HIVEP1: variants seen among roughly 807,000 people sequenced by gnomAD.
HIVEP1 encodes the protein HIVEP zinc finger 1, also known as zinc finger protein 40.
Under a neutral mutation model 180.0 loss-of-function variants are expected in HIVEP1, and 36 were observed. The ratio of observed to expected loss-of-function variants is 0.20; its 90% confidence interval spans 0.15 to 0.26. HIVEP1 has a LOEUF of 0.26. HIVEP1 is among the 10% of genes least tolerant of loss of function. HIVEP1 has a pLI of 1.00. For synonymous variants in HIVEP1, 1,239 were observed against 1,239.0 expected (o/e 1.00, Z 0.00); for missense variants, 3,143 against 3,268.7 (o/e 0.96, Z 0.94).
intron 2 of HIVEP1, among the ~76,000 whole-genome samples, chr6:12,081,840 C>G (rs1010530057): frequency 6.6e-6 from 1 of 152,126 alleles, no homozygotes; most frequent in Non-Finnish European, 1.5e-5. Flanking sequence ...TCTCTCCCCT[C>G]TCTCCTCTGT....
intron 2 of HIVEP1, among the ~76,000 whole-genome samples, chr6:12,023,866 A>G (rs570257876): frequency 6.6e-6 from 1 of 152,336 alleles, no homozygotes; most frequent in South Asian, 2.1e-4. Context: ...AGAACGGAAA[A>G]ATACATAATT....
chr6:12,111,835 C>T (rs1561950883), intron 3 of HIVEP1, among the ~76,000 whole-genome samples: 1 of 152,218 alleles, frequency 6.6e-6, no homozygotes, highest in South Asian at 2.1e-4. Context: ...TTTGCAGCGT[C>T]CCCTTTGCCA....
intron 2 of HIVEP1, among the ~76,000 whole-genome samples, chr6:12,058,239 T>A (rs62395291): frequency 0.13 from 20,410 of 151,658 alleles, 1,405 homozygotes; most frequent in Middle Eastern, 0.18. Context: ...AAAAAAAAAG[T>A]GTAAAATTTA....
chr6:12,161,720 A>T lies in HIVEP1; in HGVS notation c.6769A>T (p.Met2257Leu). 6.2e-7 allele frequency: 1 copy of T among 1,614,148 alleles called. No individual in the cohort carries two copies. The highest frequency in any genetic ancestry group is 8.5e-7 in the Non-Finnish European group (1 of 1,180,016). Residue 2257 changes from methionine (M) to leucine (L), a missense_variant, in exon 8 of 9, where the codon ATG (methionine) becomes TTG (leucine). Physicochemically the swap from Met to Leu is conservative, Grantham distance 15. Coordinates refer to ENST00000379388, the MANE Select transcript of HIVEP1 (RefSeq NM_002114.4). ...DVLPRALLTR[M>L]TVLSTAQSDY... ...TCTGCCCAGGGCGCTGCTCACCAGA[A>T]TGACTGTCCTGAGCACAGCACAGTC...
chr6:12,155,356 T>C (rs1731406814), intron 7 of HIVEP1, among the ~76,000 whole-genome samples: 1 of 152,124 alleles, frequency 6.6e-6, no homozygotes, highest in African/African-American at 2.4e-5. Flanking sequence ...AACCATCTCA[T>C]CATCTCAGTA....
At position 12,120,276 on chromosome 6, in the gene HIVEP1, G is replaced by A. The variant is rs918796470; in HGVS notation, c.481G>A (p.Glu161Lys). 3 of 1,614,188 alleles carry A rather than the reference G, an allele frequency of 1.9e-6. No homozygotes were observed. The East Asian group carries it at 6.7e-5, about 36-fold the overall frequency. Residue 161 changes from glutamate (E) to lysine (K), a missense_variant, in exon 4 of 9, where the codon GAA becomes AAA. By Grantham distance (56) the Glu-to-Lys change is moderately conservative (BLOSUM62 1). Transcript: ENST00000379388. The part of the protein sequence containing the change: ...ADPAKFSDLD[E>K]QCDSSSLSSK... ...TCCTGCCAAATTCAGTGACCTCGAT[G>A]AACAATGTGACTCAAGTTCCTTGTC...
chr6:12,022,259 T>C (rs1041939939), intron 2 of HIVEP1, among the ~76,000 whole-genome samples: 2 of 151,782 alleles, frequency 1.3e-5, no homozygotes. Flanking sequence ...CAACCTCCAC[T>C]CTCCAGGTTC....
chr6:12,100,880 C>T (rs1175245059), intron 3 of HIVEP1, among the ~76,000 whole-genome samples: 1 of 152,078 alleles, frequency 6.6e-6, no homozygotes, highest in Non-Finnish European at 1.5e-5. Flanking sequence ...GCTCAGCCGG[C>T]AAGTATAATG....
At position 12,164,031 on chromosome 6, in the gene HIVEP1, G is replaced by A; in HGVS notation, c.7727G>A (p.Ser2576Asn). 1.2e-6 allele frequency: 2 copies of A among 1,614,138 alleles called. No homozygotes were observed. The highest frequency in any genetic ancestry group is 1.7e-6 in the Non-Finnish European group (2 of 1,180,042). The change falls in exon 9 of 9, where the codon AGC (serine) becomes AAC (asparagine). Residue 2576 changes from serine to asparagine, a missense_variant. Ser to Asn is a conservative substitution (Grantham distance 46). Around this residue, in one of 12 missense-constraint regions of HIVEP1, gnomAD observed 595 missense variants for 602.2 expected, o/e 0.99. Coordinates refer to ENST00000379388, the MANE Select transcript of HIVEP1 (RefSeq NM_002114.4). ...GCTCCAGAAATGCCAGCTTCCCAAA[G>A]CAAAGCATGCGAGACACAACCCAAG... Reference protein sequence around the residue: ...QGAPEMPASQSKACETQPKQT... With the variant: ...QGAPEMPASQNKACETQPKQT...
chr6:12,184,057 ACAGACT>A, the HIVEP1 span, among the ~76,000 whole-genome samples: 1 of 147,620 alleles, frequency 6.8e-6, no homozygotes, highest in Admixed American at 6.7e-5. Context: ...AGACAGACAG[ACAGACT>A]GATTTGGGGG....
intron 2 of HIVEP1, among the ~76,000 whole-genome samples, chr6:12,040,797 G>A (rs1769629999): frequency 6.6e-6 from 1 of 152,054 alleles, no homozygotes; most frequent in Non-Finnish European, 1.5e-5. Context: ...TGCCTCTGGG[G>A]AGGCCTCAGG....
intron 3 of HIVEP1, among the ~76,000 whole-genome samples, chr6:12,094,676 G>C (rs1420349416): frequency 6.6e-6 from 1 of 151,920 alleles, no homozygotes; most frequent in Non-Finnish European, 1.5e-5. Flanking sequence ...ATCACTGCTA[G>C]ATTTGATTTG....
chr6:12,203,896 G>A, the HIVEP1 span, among the ~76,000 whole-genome samples: 2 of 152,104 alleles, frequency 1.3e-5, no homozygotes, highest in Non-Finnish European at 2.9e-5. Flanking sequence ...GACCAACATG[G>A]AGAAACCCCG....
chr6:12,154,097 T>C (rs772788633), intron 7 of HIVEP1, among the ~76,000 whole-genome samples: 2 of 152,180 alleles, frequency 1.3e-5, no homozygotes, highest in African/African-American at 4.8e-5. Flanking sequence ...GCAGTGTACA[T>C]GTGTATTCCA....
chr6:12,093,181 T>C (rs1467649808), intron 3 of HIVEP1, among the ~76,000 whole-genome samples: 1 of 152,184 alleles, frequency 6.6e-6, no homozygotes, highest in East Asian at 1.9e-4. Context: ...ATGTCAAACA[T>C]GTCTTCATTT....
chr6:12,015,884 C>T (rs1015730787), intron 2 of HIVEP1, among the ~76,000 whole-genome samples: 5 of 152,166 alleles, frequency 3.3e-5, no homozygotes, highest in Non-Finnish European at 7.3e-5. Flanking sequence ...GACGAAATTA[C>T]AGTGCATTCC....
At chr6:12,089,871 C>T (rs191925373) in intron 3 of HIVEP1, among the ~76,000 whole-genome samples, 293 of 151,952 alleles carry the variant, frequency 1.9e-3, no homozygotes, top group African/African-American at 6.5e-3. Flanking sequence ...TATATATACG[C>T]ATACACACAC....
chr6:12,135,554 T>C (rs1195210279), intron 6 of HIVEP1, among the ~76,000 whole-genome samples: 1 of 151,964 alleles, frequency 6.6e-6, no homozygotes, highest in Non-Finnish European at 1.5e-5. Flanking sequence ...AAACATAAGG[T>C]AAAGGAGATG....
chr6:12,100,771 TA>T, intron 3 of HIVEP1, among the ~76,000 whole-genome samples: 1 of 152,276 alleles, frequency 6.6e-6, no homozygotes, highest in African/African-American at 2.4e-5. Flanking sequence ...ATCTGAAATC[TA>T]AAGTGCTTCA....
Sources: gnomAD v4.1 joint callset for allele counts (sites outside exome capture counted in the v4.1 genomes callset) on GRCh38, gnomAD v4.1.1 for gene constraint, gnomAD v4.1.1 regional missense constraint, MANE v1.5 for transcripts, NCBI Gene and HGNC (gene_info 2026-07-23, HGNC 2026-07-21) for gene names.